The following DPP6 variants were observed in gnomAD, a reference collection of about 807,000 sequenced individuals.
DPP6 encodes A-type potassium channel modulatory protein DPP6.
Under a neutral mutation model 122.6 loss-of-function variants are expected in DPP6, and 69 were observed. That is an observed-to-expected ratio of 0.56 (90% CI 0.46 to 0.69). The LOEUF is 0.69. DPP6 is among the 30% of genes least tolerant of loss of function. DPP6 has a pLI of 0.00. For synonymous variants in DPP6, 418 were observed against 433.1 expected (o/e 0.97, Z 0.43); for missense variants, 928 against 1,116.9 (o/e 0.83, Z 2.41).
chr7:153,955,540 G>A (rs1169556547), intron 1 of DPP6, among the ~76,000 whole-genome samples: 4 of 152,146 alleles, frequency 2.6e-5, no homozygotes, highest in Non-Finnish European at 5.9e-5. Context: ...CCAGGTTCAA[G>A]CAATTCTCCT....
At chr7:154,020,090 C>G (rs556544782) in intron 1 of DPP6, among the ~76,000 whole-genome samples, 40 of 150,614 alleles carry the variant, frequency 2.7e-4, no homozygotes, top group Non-Finnish European at 5.8e-4. Flanking sequence ...ATAAAACTTT[C>G]CAGAATTTCA....
intron 1 of DPP6, among the ~76,000 whole-genome samples, chr7:154,006,870 A>G (rs1292479502): frequency 1.3e-5 from 2 of 152,210 alleles, no homozygotes; most frequent in Non-Finnish European, 2.9e-5. Flanking sequence ...GCTGCTGGGT[A>G]TTTGGCTCAG....
intron 1 of DPP6, among the ~76,000 whole-genome samples, chr7:154,169,681 G>A (rs1797437741): frequency 6.6e-6 from 1 of 152,128 alleles, no homozygotes; most frequent in Non-Finnish European, 1.5e-5. Context: ...ATTATAAGGA[G>A]CTATGTATCT....
rs1333776239 is a variant in DPP6, at chr7:154,062,168, C to CG, written c.243+9105_243+9106insG. 2.4e-4 allele frequency among the ~76,000 whole-genome samples: 25 copies of CG among 104,176 alleles called. 6 individuals are homozygous for CG. The highest frequency in any genetic ancestry group is 2.3e-4 in the Non-Finnish European group (11 of 47,184). The allele number at this position is 104,176 out of a possible 152,430, so 68.3% of individuals were successfully genotyped here. A position where few individuals can be genotyped will look rare whatever the true frequency, so the allele number is the denominator to read the frequency against. On this transcript the variant is annotated intron_variant, in intron 1 of 25. Transcript: ENST00000377770. The stretch of plus-strand genomic sequence containing the variant: ...TCATCCCCCACCGGCTTAGGACCCA[C>CG]ATCGTTGATCCTAAGATCCTTAGGA...
In DPP6 at chr7:154,812,472, C is replaced by CA. The variant is rs758733212; in HGVS notation, c.1666+5361dup. 2.2e-4 allele frequency among the ~76,000 whole-genome samples: 34 copies of CA among 152,238 alleles called. No individual in the cohort carries two copies. In the East Asian group the frequency reaches 6.6e-3, roughly 29 times the overall value. On this transcript the variant is annotated intron_variant, in intron 16 of 25. Transcript: ENST00000377770. The stretch of plus-strand genomic sequence containing the variant: ...GTTCTGGAAGCTGGAAATCCAAGAC[C>CA]AGGGTACCAGCATGGTTGATTCTGG...
chr7:153,867,460 T>C, the DPP6 span, among the ~76,000 whole-genome samples: 1 of 152,218 alleles, frequency 6.6e-6, no homozygotes, highest in African/African-American at 2.4e-5. Flanking sequence ...TTGTCTGTTA[T>C]TGGTGTATAA....
chr7:153,997,871 A>C (rs1211980023), intron 1 of DPP6, among the ~76,000 whole-genome samples: 1 of 151,702 alleles, frequency 6.6e-6, no homozygotes, highest in Non-Finnish European at 1.5e-5. Context: ...AGCACTGGGC[A>C]GCTGCTGAGG....
the DPP6 span, among the ~76,000 whole-genome samples, chr7:153,791,165 A>C: frequency 6.6e-6 from 1 of 152,160 alleles, no homozygotes; most frequent in Non-Finnish European, 1.5e-5. Context: ...TTGGGGTTTC[A>C]TTGATACTCT....
At chr7:153,922,023 G>T (rs575779829) in intron 1 of DPP6, among the ~76,000 whole-genome samples, 3 of 152,184 alleles carry the variant, frequency 2.0e-5, no homozygotes, top group Non-Finnish European at 4.4e-5. Context: ...GGCTTTGCAC[G>T]TCAGGCCCAG....
chr7:154,329,844 A>G (rs1808763700), intron 1 of DPP6, among the ~76,000 whole-genome samples: 1 of 152,252 alleles, frequency 6.6e-6, no homozygotes, highest in African/African-American at 2.4e-5. Context: ...AATACTATGC[A>G]GCCATAAAAA....
At chr7:154,157,587 C>T (rs890087672) in intron 1 of DPP6, among the ~76,000 whole-genome samples, 3 of 152,206 alleles carry the variant, frequency 2.0e-5, no homozygotes, top group Non-Finnish European at 4.4e-5. Context: ...ATGATTTTTG[C>T]TATTTCTTAC....
chr7:154,762,896 T>C (rs1021239130), intron 8 of DPP6, among the ~76,000 whole-genome samples: 5 of 152,244 alleles, frequency 3.3e-5, no homozygotes, highest in Non-Finnish European at 5.9e-5. Flanking sequence ...CTGCCTCCGA[T>C]GGTGCAATGA....
chr7:154,475,221 A>T (rs1009316702), intron 3 of DPP6, 184 bp downstream of exon 3: 1 of 610,718 alleles, frequency 1.6e-6, no homozygotes, highest in Admixed American at 2.2e-5. Flanking sequence ...TGGTAAAATC[A>T]GGCTTTTGTA....
the DPP6 span, among the ~76,000 whole-genome samples, chr7:153,784,758 CT>C: frequency 3.9e-5 from 6 of 152,110 alleles, no homozygotes; most frequent in Non-Finnish European, 4.4e-5. Context: ...GGGTTTTCTT[CT>C]TCATAAAGCT....
At chr7:154,379,849 T>A (rs1813440185) in intron 1 of DPP6, among the ~76,000 whole-genome samples, 1 of 152,112 alleles carries the variant, frequency 6.6e-6, no homozygotes, top group African/African-American at 2.4e-5. Context: ...CAATATTGGG[T>A]CAAAATATGC....
rs2151414277 is a variant in DPP6 at position 154,502,194 on chromosome 7, A to T, written c.457+27157A>T. On this transcript the variant is annotated intron_variant, in intron 3 of 25. Coordinates refer to ENST00000377770, the MANE Select transcript of DPP6 (RefSeq NM_130797.4). The stretch of plus-strand genomic sequence containing the variant: ...AACTTGCTTTTGATTTTACACGCTA[A>T]TAGACAGAAGGGACTTGCCTTGTCT... Among the ~76,000 whole-genome samples the T allele has an allele frequency of 4.6e-5, 7 of 152,286 alleles. No homozygotes were observed. The South Asian group carries it at 1.5e-3, about 32-fold the overall frequency.
chr7:154,125,742 C>A (rs574544540), intron 1 of DPP6, among the ~76,000 whole-genome samples: 1 of 152,098 alleles, frequency 6.6e-6, no homozygotes, highest in Non-Finnish European at 1.5e-5. Flanking sequence ...ATAATGGGTT[C>A]ACATTGCACA....
intron 6 of DPP6, among the ~76,000 whole-genome samples, chr7:154,662,269 T>C (rs973541488): frequency 4.0e-5 from 6 of 151,714 alleles, no homozygotes; most frequent in Non-Finnish European, 7.4e-5. Flanking sequence ...CATATAGTCA[T>C]GGTGAATCAG....
At chr7:154,528,559 A>G (rs1321846180) in intron 3 of DPP6, among the ~76,000 whole-genome samples, 1 of 152,180 alleles carries the variant, frequency 6.6e-6, no homozygotes, top group Non-Finnish European at 1.5e-5. Flanking sequence ...AATTCCTCAT[A>G]CATATATTTT....
Sources: allele counts gnomAD v4.1 joint callset (sites outside exome capture counted in the v4.1 genomes callset), GRCh38; gene constraint gnomAD v4.1.1; transcripts MANE v1.5; gene names NCBI Gene and HGNC (gene_info 2026-07-23, HGNC 2026-07-21).